Variants in UTP25 observed in about 807,000 individuals in gnomAD.
The protein encoded by UTP25 is UTP25 small subunit processome component, also known as U3 small nucleolar RNA-associated protein 25 homolog.
In UTP25, 50 loss-of-function variants were observed where a neutral mutation model predicts 78.9. That is an observed-to-expected ratio of 0.63 (90% CI 0.50 to 0.80). The LOEUF (loss-of-function observed/expected upper bound fraction) is 0.80. UTP25 is among the 30% of genes least tolerant of loss of function. The pLI is 0.00. For missense variants in UTP25, 846 were observed against 911.3 expected (o/e 0.93, Z 0.92); for synonymous variants, 329 against 336.5 (o/e 0.98, Z 0.24).
intron 4 of UTP25, among the ~76,000 whole-genome samples, chr1:209,834,063 T>G (rs554134365): frequency 3.0e-4 from 46 of 152,356 alleles, no homozygotes; most frequent in African/African-American, 1.1e-3. Flanking sequence ...CATTTAGTTC[T>G]GTTGGTTATT....
chr1:209,835,142 CA>C lies in UTP25; in HGVS notation c.634del (p.Thr212LeufsTer33). 1 of 1,613,626 alleles carries C rather than the reference CA, an allele frequency of 6.2e-7. No homozygotes were observed. Among genetic ancestry groups the C allele is most frequent in the Non-Finnish European group, 8.5e-7 (1 of 1,179,656 alleles). On this transcript the variant is annotated frameshift_variant, in exon 5 of 12. Transcript: ENST00000491415. LOFTEE classifies it high-confidence loss of function. ...CAATTCAGGCTGTTGCCACAAATCC[CA>C]AAACTACCCACGAGCTTAAAGTAAG... is the stretch of plus-strand genomic sequence containing the variant. ...KAIQAVATNP[K>X]TTHELKWPIL...
chr1:209,843,785 G>A, intron 11 of UTP25, 89 bp downstream of exon 11: 1 of 1,497,586 alleles, frequency 6.7e-7, no homozygotes, highest in Non-Finnish European at 9.0e-7. Flanking sequence ...CAGGCTTCGT[G>A]GTGTTGAGAT....
At chr1:209,849,313 T>C (rs1480860682) in intron 11 of UTP25, among the ~76,000 whole-genome samples, 1 of 152,154 alleles carries the variant, frequency 6.6e-6, no homozygotes, top group Non-Finnish European at 1.5e-5. Flanking sequence ...CGAACTCTGC[T>C]TGTATCAGTG....
At chr1:209,850,748 G>A (rs921302046) in intron 11 of UTP25, among the ~76,000 whole-genome samples, 3 of 152,182 alleles carry the variant, frequency 2.0e-5, no homozygotes, top group African/African-American at 7.2e-5. Context: ...ATCCAGAGTG[G>A]CAAGAAAAGA....
Position 209,850,965 on chromosome 1 carries a change from GTATT to G in UTP25, c.2028-233_2028-230del, listed in dbSNP as rs1406828207. Among the ~76,000 whole-genome samples the G allele has an allele frequency of 4.6e-5, 7 of 152,286 alleles. No individual in the cohort carries two copies. In the East Asian group the frequency reaches 1.2e-3, roughly 25 times the overall value. On this transcript the variant is annotated intron_variant, in intron 11 of 11. Coordinates refer to ENST00000491415, the MANE Select transcript of UTP25 (RefSeq NM_014388.7). ...TACCCAGTGTAGGATCAAGAAATGTGTATTTATTTTATCATTTTCTTAAGCCAAA... is the reference window on the plus strand; with the variant it reads ...TACCCAGTGTAGGATCAAGAAATGTGTATTTTATCATTTTCTTAAGCCAAA...
intron 11 of UTP25, among the ~76,000 whole-genome samples, chr1:209,849,956 C>T (rs2078221564): frequency 6.6e-6 from 1 of 152,180 alleles, no homozygotes; most frequent in Non-Finnish European, 1.5e-5. Flanking sequence ...CTGCACATCT[C>T]TGGGTCAGCA....
At position 209,855,637 on chromosome 1, in the gene UTP25, A is replaced by G. The variant is rs936172451; in HGVS notation, c.*4190A>G. On this transcript the variant is annotated 3_prime_UTR_variant, in exon 12 of 12. Transcript: ENST00000491415. ...ACACCTGCCCTTGCTTGTTCTCCTGATGGCCCCTCACAGTCAGGTGTGGGA... is the reference window on the plus strand; with the variant it reads ...ACACCTGCCCTTGCTTGTTCTCCTGGTGGCCCCTCACAGTCAGGTGTGGGA... 12 of 152,466 alleles carry G rather than the reference A, an allele frequency of 7.9e-5. No homozygotes were observed. The highest frequency in any genetic ancestry group is 7.2e-4 in the Admixed American group (11 of 15,290). 9.4% of individuals were successfully genotyped at this position (152,466 alleles called of 1,614,324 possible).
intron 1 of UTP25, among the ~76,000 whole-genome samples, chr1:209,829,768 G>A (rs2078092791): frequency 6.6e-6 from 1 of 152,056 alleles, no homozygotes; most frequent in Non-Finnish European, 1.5e-5. Context: ...TTCCAGATAT[G>A]AGCCACCGCT....
rs1008547489 is a variant in UTP25 at position 209,855,337 on chromosome 1, C to T, written c.*3890C>T. ...CTCCTCAGATGTGGGGAGTTGCCGC[C>T]TCCACTTGCATTACATGTATTTCAG... On this transcript the variant is annotated 3_prime_UTR_variant, in exon 12 of 12. Coordinates refer to ENST00000491415, the MANE Select transcript of UTP25 (RefSeq NM_014388.7). The T allele has an allele frequency of 6.6e-6, 1 of 152,274 alleles. No individual in the cohort carries two copies. Among genetic ancestry groups the T allele is most frequent in the African/African-American group, 2.4e-5 (1 of 41,450 alleles). 9.4% of individuals were successfully genotyped at this position (152,274 alleles called of 1,614,324 possible). A position where few individuals can be genotyped will look rare whatever the true frequency, so the allele number is the denominator to read the frequency against.
chr1:209,850,850 T>A (rs1193301768), intron 11 of UTP25, among the ~76,000 whole-genome samples: 1 of 152,244 alleles, frequency 6.6e-6, no homozygotes, highest in Non-Finnish European at 1.5e-5. Flanking sequence ...ATAATAAGGC[T>A]AATGTTCCAT....
At position 209,857,140 on chromosome 1, in the gene UTP25, T is replaced by TG. The variant is rs2078283240; in HGVS notation, c.*5697dup. On this transcript the variant is annotated 3_prime_UTR_variant, in exon 12 of 12. Coordinates refer to ENST00000491415, the MANE Select transcript of UTP25 (RefSeq NM_014388.7). ...GCTTCTGCTTGAATTCCTTCAAGGA[T>TG]GGGGTGCTCATTGTGGCTTTTCTAA... The TG allele has an allele frequency of 6.6e-6, 1 of 152,100 alleles. No homozygotes were observed. Among genetic ancestry groups the TG allele is most frequent in the South Asian group, 2.1e-4 (1 of 4,824 alleles). The allele number at this position is 152,100 out of a possible 1,614,324, so 9.4% of individuals were successfully genotyped here. A position where few individuals can be genotyped will look rare whatever the true frequency, so the allele number is the denominator to read the frequency against.
At chr1:209,844,117 T>C (rs1572006619) in intron 11 of UTP25, 1 of 174,366 alleles carries the variant, frequency 5.7e-6, no homozygotes, top group East Asian at 1.5e-4. Context: ...TCTGGGGAGA[T>C]GGAGGCTGAG....
intron 10 of UTP25, chr1:209,843,030 AT>A: frequency 3.0e-6 from 1 of 328,858 alleles, no homozygotes. Context: ...GGAAAGAACT[AT>A]TTTTCTAATT....
chr1:209,846,891 G>A (rs769118895), intron 11 of UTP25, among the ~76,000 whole-genome samples: 2 of 152,168 alleles, frequency 1.3e-5, no homozygotes, highest in Non-Finnish European at 2.9e-5. Flanking sequence ...TTTCCTGATT[G>A]TGAGGGTATT....
Position 209,837,033 on chromosome 1 carries a change from C to T in UTP25, c.884C>T (p.Pro295Leu), listed in dbSNP as rs755111790. The change falls in exon 6 of 12, where the codon CCG (proline) becomes CTG (leucine). Residue 295 changes from proline (P) to leucine (L), a missense_variant. By Grantham distance (98) the Pro-to-Leu change is moderately conservative. Coordinates refer to ENST00000491415, the MANE Select transcript of UTP25 (RefSeq NM_014388.7). ...IMNSYRDLFY[P>L]ERTALKNGEE... ...AATTCTTACCGGGACCTGTTCTACC[C>T]GGAAAGGACTGCTCTGAAGAACGGG... 9 of 1,614,100 alleles carry T rather than the reference C, an allele frequency of 5.6e-6. No individual in the cohort carries two copies. The highest frequency in any genetic ancestry group is 4.5e-5 in the East Asian group (2 of 44,878).
intron 3 of UTP25, among the ~76,000 whole-genome samples, chr1:209,832,329 A>G (rs1032898673): frequency 6.6e-6 from 1 of 152,190 alleles, no homozygotes; most frequent in African/African-American, 2.4e-5. Flanking sequence ...ATGGCCTTAT[A>G]CATTTCCGTA....
chr1:209,830,775 G>A, intron 2 of UTP25, 28 bp from the exon 3 acceptor site: 1 of 1,605,772 alleles, frequency 6.2e-7, no homozygotes, highest in East Asian at 2.2e-5. Flanking sequence ...TATAGTTTTT[G>A]TTCTTAAAAT....
intron 3 of UTP25, 49 bp from the exon 4 acceptor site, chr1:209,833,136 G>T: frequency 1.9e-6 from 3 of 1,546,476 alleles, no homozygotes; most frequent in Non-Finnish European, 2.6e-6. Flanking sequence ...GTCAACAGAA[G>T]TATAATTTGT....
At chr1:209,840,699 T>C (rs963220373) in intron 7 of UTP25, among the ~76,000 whole-genome samples, 154 bp from the exon 8 acceptor site, 1 of 152,208 alleles carries the variant, frequency 6.6e-6, no homozygotes, top group African/African-American at 2.4e-5. Context: ...CTTGTTCTTA[T>C]GTTTTAATAA....
Sources: gnomAD v4.1 joint callset for allele counts (sites outside exome capture counted in the v4.1 genomes callset) on GRCh38, gnomAD v4.1.1 for gene constraint, MANE v1.5 for transcripts, NCBI Gene and HGNC (gene_info 2026-07-23, HGNC 2026-07-21) for gene names.